Variants in LAX1 observed in about 807,000 individuals in gnomAD.
LAX1 encodes the protein lymphocyte transmembrane adapter 1.
A neutral mutation model predicts 20.7 loss-of-function variants in LAX1; 17 were observed. The ratio of observed to expected loss-of-function variants is 0.82; its 90% confidence interval spans 0.56 to 1.23. LAX1 has a LOEUF of 1.23. Among genes scored for constraint, LAX1 ranks in the 50% most tolerant of loss-of-function variants. The pLI is 0.00. For missense variants in LAX1, 470 were observed against 487.0 expected (o/e 0.97, Z 0.33); for synonymous variants, 165 against 181.0 (o/e 0.91, Z 0.71).
intron 1 of LAX1, among the ~76,000 whole-genome samples, chr1:203,769,260 C>T (rs1041816503): frequency 1.3e-4 from 19 of 151,620 alleles, no homozygotes; most frequent in African/African-American, 3.9e-4. Flanking sequence ...GGCGTGGTGG[C>T]GTGTGTCTAT....
At chr1:203,767,617 C>T (rs1667326897) in intron 1 of LAX1, among the ~76,000 whole-genome samples, 1 of 151,896 alleles carries the variant, frequency 6.6e-6, no homozygotes, top group Non-Finnish European at 1.5e-5. Flanking sequence ...CTTGGTAGTT[C>T]TATTTTTAAT....
Position 203,770,906 on chromosome 1 carries a change from C to T in LAX1, c.168C>T (p.Cys56=). The change falls in exon 2 of 5, where the codon TGC becomes TGT. Residue 56 remains cysteine (C), a synonymous_variant. Coordinates refer to ENST00000442561, the MANE Select transcript of LAX1 (RefSeq NM_017773.4). ...TCCTCCTGGTCGTTGCGGTTTTCTG[C>T]ATCTTGTGGAATTGGAATAAACGGA... ...LAILLVVAVF[C]ILWNWNKRKK... The T allele has an allele frequency of 6.2e-7, 1 of 1,614,070 alleles. No individual in the cohort carries two copies. The highest frequency in any genetic ancestry group is 1.1e-5 in the South Asian group (1 of 91,082).
chr1:203,771,257 G>T (rs1444634154), intron 2 of LAX1, 110 bp from the exon 3 acceptor site: 2 of 782,792 alleles, frequency 2.6e-6, no homozygotes, highest in Admixed American at 3.8e-5. Flanking sequence ...ATTTTTGTGA[G>T]AACTGGCAAG....
chr1:203,765,519 A>T lies in LAX1; in HGVS notation c.-47A>T, dbSNP rs1383597923. The stretch of plus-strand genomic sequence containing the variant: ...CTGGCTAACTGATTATGATTAAGAG[A>T]AACTTAGAAGCTGAAGCCAGAGAGC... On this transcript the variant is annotated 5_prime_UTR_variant, in exon 1 of 5. Coordinates refer to ENST00000442561, the MANE Select transcript of LAX1 (RefSeq NM_017773.4). The T allele has an allele frequency of 1.9e-6, 3 of 1,611,930 alleles. No homozygotes were observed. The highest frequency in any genetic ancestry group is 2.5e-6 in the Non-Finnish European group (3 of 1,179,068).
chr1:203,771,541 C>T (rs1667422766), intron 3 of LAX1, 64 bp downstream of exon 3: 6 of 1,004,068 alleles, frequency 6.0e-6, no homozygotes, highest in Non-Finnish European at 6.4e-6. Context: ...GAATGTGCCT[C>T]TCACCCTCCA....
In LAX1 at chr1:203,765,453, T is replaced by C. The variant is rs912648083; in HGVS notation, c.-113T>C. On this transcript the variant is annotated 5_prime_UTR_variant, in exon 1 of 5. Coordinates refer to ENST00000442561, the MANE Select transcript of LAX1 (RefSeq NM_017773.4). ...TGACGTTTCAGAGGTAGACACGAGA[T>C]AGGGAGTTTGTTGCGGGGGTGGGGA... 15 of 1,560,052 alleles carry C rather than the reference T, an allele frequency of 9.6e-6. No homozygotes were observed. The highest frequency in any genetic ancestry group is 1.3e-5 in the Non-Finnish European group (15 of 1,150,564).
intron 1 of LAX1, among the ~76,000 whole-genome samples, chr1:203,769,441 G>GAAAGAAAGAAAGA (rs776263141): frequency 2.1e-5 from 2 of 94,666 alleles, no homozygotes; most frequent in African/African-American, 7.4e-5. Context: ...AAGAAAGAAA[G>GAAAGAAAGAAAGA]AAGGAAAGAA....
At position 203,774,019 on chromosome 1, in the gene LAX1, T is replaced by G. The variant is rs961052332; in HGVS notation, c.535T>G (p.Ser179Ala). The G allele has an allele frequency of 6.2e-7, 1 of 1,614,110 alleles. No individual in the cohort carries two copies. Among genetic ancestry groups the G allele is most frequent in the Admixed American group, 1.7e-5 (1 of 59,996 alleles). The part of the protein sequence containing the change: ...PSAHCINVRA[S>A]RDCASISSED... ...GGCACACTGCATCAATGTCAGAGCTTCCAGAGACTGCGCAAGCATTTCTTC... is the reference window on the plus strand; with the variant it reads ...GGCACACTGCATCAATGTCAGAGCTGCCAGAGACTGCGCAAGCATTTCTTC... Residue 179 changes from serine to alanine, a missense_variant, in exon 5 of 5, where the codon TCC becomes GCC. Ser to Ala is a moderately conservative substitution (Grantham distance 99). Coordinates refer to ENST00000442561, the MANE Select transcript of LAX1 (RefSeq NM_017773.4).
intron 1 of LAX1, among the ~76,000 whole-genome samples, chr1:203,768,049 G>A (rs992371784): frequency 2.6e-5 from 4 of 152,054 alleles, no homozygotes; most frequent in Non-Finnish European, 4.4e-5. Flanking sequence ...GGTGGCTCAC[G>A]CCTGTAATCC....
intron 1 of LAX1, chr1:203,769,727 A>G (rs1314612392): frequency 1.5e-5 from 2 of 136,330 alleles, no homozygotes; most frequent in East Asian, 4.6e-4. Context: ...GTTAAACTTC[A>G]CACAACAGCA....
Position 203,773,314 on chromosome 1 carries a change from A to ACTACAGGTGCACCTACAG in LAX1, c.391-561_391-560insCTACAGGTGCACCTACAG, listed in dbSNP as rs1297838475. On this transcript the variant is annotated intron_variant, in intron 4 of 4. Coordinates refer to ENST00000442561, the MANE Select transcript of LAX1 (RefSeq NM_017773.4). ...TAAAAATACAAAATATTAGTCGGGCAGTGGTAGGAGGCACCTGTAATCCCA... is the reference window on the plus strand; with the variant it reads ...TAAAAATACAAAATATTAGTCGGGCACTACAGGTGCACCTACAGGTGGTAGGAGGCACCTGTAATCCCA... Among the ~76,000 whole-genome samples, 5 of 152,076 alleles carry ACTACAGGTGCACCTACAG rather than the reference A, an allele frequency of 3.3e-5. No homozygotes were observed. In the East Asian group the frequency reaches 9.6e-4, roughly 29 times the overall value.
intron 1 of LAX1, among the ~76,000 whole-genome samples, chr1:203,769,443 AG>A (rs766913747): frequency 0.061 from 3,561 of 58,658 alleles, 80 homozygotes; most frequent in South Asian, 0.085. Context: ...GAAAGAAAGA[AG>A]GAAAGAAAGA....
At chr1:203,767,324 T>TTTTTTTTTTTTA (rs1667321985) in intron 1 of LAX1, among the ~76,000 whole-genome samples, 2 of 144,284 alleles carry the variant, frequency 1.4e-5, no homozygotes, top group African/African-American at 5.4e-5. Context: ...TTTTTTTTTT[T>TTTTTTTTTTTTA]GAGACAAAGT....
intron 1 of LAX1, among the ~76,000 whole-genome samples, chr1:203,770,147 G>GT (rs1375812212): frequency 6.6e-6 from 1 of 152,020 alleles, no homozygotes; most frequent in Non-Finnish European, 1.5e-5. Context: ...GCCGGGCACG[G>GT]TGGCTCACAC....
chr1:203,765,782 C>A, intron 1 of LAX1, 128 bp downstream of exon 1: 1 of 843,768 alleles, frequency 1.2e-6, no homozygotes, highest in Non-Finnish European at 1.9e-6. Context: ...TACTAAACCA[C>A]CAAACTCTAG....
intron 1 of LAX1, chr1:203,769,776 G>A (rs1470725088): frequency 5.2e-5 from 8 of 152,436 alleles, no homozygotes; most frequent in Admixed American, 1.3e-4. Context: ...ATTGGTGCGG[G>A]GGGGGGGGCG....
In LAX1 at chr1:203,770,632, C is replaced by G. The variant is rs145329263; in HGVS notation, c.90-196C>G. ...GTAGGCATTTGAAAGGAATAGTTCC[C>G]TTCTCCCCTGTCCAAGTCCCCTCTC... On this transcript the variant is annotated intron_variant, in intron 1 of 4. Transcript: ENST00000442561. Among the ~76,000 whole-genome samples the G allele has an allele frequency of 7.9e-5, 12 of 152,054 alleles. 1 individual carries two copies. In the East Asian group the frequency reaches 2.3e-3, roughly 29 times the overall value.
intron 1 of LAX1, 129 bp from the exon 2 acceptor site, chr1:203,770,699 C>A: frequency 1.4e-6 from 1 of 707,606 alleles, no homozygotes; most frequent in South Asian, 1.7e-5. Flanking sequence ...TCTTCCACCA[C>A]ACCCCACCTG....
Position 203,774,211 on chromosome 1 carries a change from A to T in LAX1, c.727A>T (p.Ser243Cys). 6.2e-7 allele frequency: 1 copy of T among 1,614,178 alleles called. No individual in the cohort carries two copies. The highest frequency in any genetic ancestry group is 8.5e-7 in the Non-Finnish European group (1 of 1,180,030). Residue 243 changes from serine (S) to cysteine (C), a missense_variant, in exon 5 of 5, where the codon AGT becomes TGT. Ser to Cys is a moderately radical substitution (Grantham distance 112, BLOSUM62 -1). Coordinates refer to ENST00000442561, the MANE Select transcript of LAX1 (RefSeq NM_017773.4). ...CTGTGGAGATGCTGGTGACTGCACC[A>T]GTTTGTATTCTCCAGGAGCTGAGGA... The part of the protein sequence containing the change: ...EGCGDAGDCT[S>C]LYSPGAEDSD...
Sources: allele counts gnomAD v4.1 joint callset (sites outside exome capture counted in the v4.1 genomes callset), GRCh38; gene constraint gnomAD v4.1.1; transcripts MANE v1.5; gene names NCBI Gene and HGNC (gene_info 2026-07-23, HGNC 2026-07-21).